Variants in MGMT observed in about 807,000 individuals in gnomAD.
MGMT encodes the protein O-6-methylguanine-DNA methyltransferase.
Under a neutral mutation model 15.9 loss-of-function variants are expected in MGMT, and 14 were observed. That is an observed-to-expected ratio of 0.88 (90% CI 0.58 to 1.37). The LOEUF (loss-of-function observed/expected upper bound fraction) is 1.37. Ranked by LOEUF, MGMT falls within the 40% of genes most tolerant of loss-of-function variation. MGMT has a pLI of 0.00. For missense variants in MGMT, 282 were observed against 268.1 expected (o/e 1.05, Z -0.36); for synonymous variants, 130 against 118.2 (o/e 1.10, Z -0.65).
intron 2 of MGMT, among the ~76,000 whole-genome samples, chr10:129,644,408 G>A (rs920234752): frequency 6.6e-6 from 1 of 152,220 alleles, no homozygotes; most frequent in Non-Finnish European, 1.5e-5. Flanking sequence ...CTAGGCTGGC[G>A]TCGGGGCCAG....
chr10:129,510,450 A>G (rs1845669523), intron 1 of MGMT, among the ~76,000 whole-genome samples: 1 of 152,000 alleles, frequency 6.6e-6, no homozygotes, highest in Admixed American at 6.5e-5. Context: ...TATGATAGGA[A>G]CCACGTGTCT....
At chr10:129,757,537 G>T (rs910736946) in intron 3 of MGMT, among the ~76,000 whole-genome samples, 1 of 152,222 alleles carries the variant, frequency 6.6e-6, no homozygotes, top group Non-Finnish European at 1.5e-5. Context: ...GCTTCTTGCG[G>T]TATTGACGTG....
chr10:129,521,986 G>T (rs1397883696), intron 1 of MGMT, among the ~76,000 whole-genome samples: 2 of 152,242 alleles, frequency 1.3e-5, no homozygotes, highest in Admixed American at 1.3e-4. Context: ...GAGATGGACT[G>T]ACCAGTGGTC....
At chr10:129,711,551 C>T (rs1473266142) in intron 3 of MGMT, among the ~76,000 whole-genome samples, 3 of 152,172 alleles carry the variant, frequency 2.0e-5, no homozygotes, top group African/African-American at 7.2e-5. Context: ...CTGAGCTGTC[C>T]AGTGAAGCAT....
At chr10:129,742,259 G>A (rs1028963992) in intron 3 of MGMT, among the ~76,000 whole-genome samples, 2 of 152,216 alleles carry the variant, frequency 1.3e-5, no homozygotes, top group Non-Finnish European at 2.9e-5. Context: ...TTTCTTAAAA[G>A]TTATTGGGCC....
chr10:129,589,673 G>A (rs1310130956), intron 2 of MGMT, among the ~76,000 whole-genome samples: 2 of 152,200 alleles, frequency 1.3e-5, no homozygotes, highest in Admixed American at 1.3e-4. Context: ...CCTGCGGCGG[G>A]GCTGCTTAAC....
At chr10:129,608,536 T>C (rs1246700092) in intron 2 of MGMT, among the ~76,000 whole-genome samples, 1 of 152,226 alleles carries the variant, frequency 6.6e-6, no homozygotes, top group Non-Finnish European at 1.5e-5. Flanking sequence ...GGAAAACTGG[T>C]GTATTGAGGC....
chr10:129,578,859 A>G (rs1846519360), intron 2 of MGMT, among the ~76,000 whole-genome samples: 1 of 152,340 alleles, frequency 6.6e-6, no homozygotes, highest in East Asian at 1.9e-4. Flanking sequence ...AATAGTTTTA[A>G]AAGTCTCTTT....
chr10:129,549,963 GGCCA>G (rs1339431937), intron 2 of MGMT, among the ~76,000 whole-genome samples: 1 of 151,988 alleles, frequency 6.6e-6, no homozygotes, highest in Non-Finnish European at 1.5e-5. Context: ...TGATAAGTAG[GGCCA>G]GGGCTTCTGT....
Position 129,499,122 on chromosome 10 carries a change from G to A in MGMT, c.-13+31826G>A, listed in dbSNP as rs937188867. On this transcript the variant is annotated intron_variant, in intron 1 of 4. Coordinates refer to ENST00000651593, the MANE Select transcript of MGMT (RefSeq NM_002412.5). ...GGTGGCTTCCTTTAAAAAGAATCTG[G>A]TAAAACCTGTGTCATTGTGTTTCAG... Among the ~76,000 whole-genome samples, 13 of 152,042 alleles carry A rather than the reference G, an allele frequency of 8.6e-5. 1 individual carries two copies. The highest frequency in any genetic ancestry group is 2.0e-4 in the Admixed American group (3 of 15,266).
At chr10:129,710,155 C>A (rs912520347) in intron 3 of MGMT, among the ~76,000 whole-genome samples, 12 of 152,294 alleles carry the variant, frequency 7.9e-5, no homozygotes, top group Admixed American at 6.5e-4. Context: ...CCTGGGCTGG[C>A]AGGTCATGAT....
In MGMT at chr10:129,532,696, G is replaced by A. The variant is rs571633692; in HGVS notation, c.-12-3545G>A. Reference sequence around the variant, plus strand: ...CTCGAGGTGTGGTCTGTGCAGAATGGCGTGACAGCCCTTCCAGCCCGTCAC... The same window carrying A: ...CTCGAGGTGTGGTCTGTGCAGAATGACGTGACAGCCCTTCCAGCCCGTCAC... On this transcript the variant is annotated intron_variant, in intron 1 of 4. Coordinates refer to ENST00000651593, the MANE Select transcript of MGMT (RefSeq NM_002412.5). The surrounding 1 kb of genome is among the most constrained non-coding windows in gnomAD (Gnocchi z 5.3). 1.8e-3 allele frequency among the ~76,000 whole-genome samples: 270 copies of A among 152,202 alleles called. 2 individuals carry two copies. The highest frequency in any genetic ancestry group is 5.9e-4 in the Non-Finnish European group (40 of 68,004).
intron 2 of MGMT, among the ~76,000 whole-genome samples, chr10:129,561,015 A>G (rs1424385254): frequency 1.4e-5 from 2 of 144,426 alleles, no homozygotes; most frequent in South Asian, 4.3e-4. Context: ...CCCAGCCAGC[A>G]GTGTTATATC....
chr10:129,590,699 T>G (rs1449414916), intron 2 of MGMT, among the ~76,000 whole-genome samples: 1 of 152,190 alleles, frequency 6.6e-6, no homozygotes, highest in Non-Finnish European at 1.5e-5. Context: ...ATATCAGCAT[T>G]TAAGATCCAG....
At chr10:129,479,462 T>G (rs565982281) in intron 1 of MGMT, among the ~76,000 whole-genome samples, 16 of 152,314 alleles carry the variant, frequency 1.1e-4, no homozygotes, top group African/African-American at 3.8e-4. Context: ...AGTCATATAC[T>G]GACTTGCTGT....
chr10:129,677,024 C>T (rs1220961852), intron 2 of MGMT, among the ~76,000 whole-genome samples: 1 of 152,208 alleles, frequency 6.6e-6, no homozygotes, highest in African/African-American at 2.4e-5. Context: ...TTTCCACCAT[C>T]AGCGTGCTAG....
intron 2 of MGMT, among the ~76,000 whole-genome samples, chr10:129,593,783 C>G (rs34779164): frequency 0.21 from 31,834 of 152,138 alleles, 4,293 homozygotes; most frequent in Non-Finnish European, 0.3. Context: ...GTATTGACAC[C>G]TTTCCTTACA....
chr10:129,724,851 G>T (rs1009357716), intron 3 of MGMT, among the ~76,000 whole-genome samples: 1 of 152,140 alleles, frequency 6.6e-6, no homozygotes, highest in Non-Finnish European at 1.5e-5. Context: ...TTTATTCCTT[G>T]AAAGCAAATT....
chr10:129,665,159 A>AGTCACCCACCCACTCCATAC (rs1847642910), intron 2 of MGMT, among the ~76,000 whole-genome samples: 1 of 138,500 alleles, frequency 7.2e-6, no homozygotes, highest in Admixed American at 7.3e-5. Flanking sequence ...CCACTCCATC[A>AGTCACCCACCCACTCCATAC]CTCTCTCTCT....
Sources: gnomAD v4.1 joint callset for allele counts (sites outside exome capture counted in the v4.1 genomes callset) on GRCh38, gnomAD v4.1.1 for gene constraint, Gnocchi (gnomAD v3.1) non-coding constraint, MANE v1.5 for transcripts, NCBI Gene and HGNC (gene_info 2026-07-23, HGNC 2026-07-21) for gene names.